Variants in S100Z observed in about 807,000 individuals in gnomAD.
The protein encoded by S100Z is protein S100-Z.
In S100Z, 11 loss-of-function variants were observed where a neutral mutation model predicts 8.5. The observed-to-expected ratio is 1.30, with a 90% CI of 0.82 to 2.15. The LOEUF is 2.15. Ranked by LOEUF, S100Z falls within the 30% of genes most tolerant of loss-of-function variation. The pLI is 0.00. For missense variants in S100Z, 126 were observed against 117.9 expected (o/e 1.07, Z -0.32); for synonymous variants, 34 against 43.8 (o/e 0.78, Z 0.89).
chr5:76,943,095 G>T, the S100Z span, among the ~76,000 whole-genome samples: 2 of 152,038 alleles, frequency 1.3e-5, no homozygotes, highest in Non-Finnish European at 1.5e-5. Context: ...GTGCCACAGT[G>T]GGGGGGTTCT....
chr5:76,909,716 C>T (rs1222111731), intron 4 of S100Z, among the ~76,000 whole-genome samples: 1 of 152,140 alleles, frequency 6.6e-6, no homozygotes, highest in Non-Finnish European at 1.5e-5. Context: ...GGGAATTTGG[C>T]CCAACCTGGG....
chr5:76,911,304 G>T (rs1435578418), intron 4 of S100Z, among the ~76,000 whole-genome samples: 3 of 152,206 alleles, frequency 2.0e-5, no homozygotes, highest in Admixed American at 2.0e-4. Flanking sequence ...GGTCAGTGGA[G>T]ACTAGTGGAA....
At chr5:76,885,784 G>A (rs1743601910) in intron 4 of S100Z, among the ~76,000 whole-genome samples, 2 of 150,910 alleles carry the variant, frequency 1.3e-5, no homozygotes, top group Non-Finnish European at 3.0e-5. Flanking sequence ...AGACAGAAGA[G>A]GTGGGGGCTG....
At chr5:76,915,014 G>A (rs918063437) in intron 4 of S100Z, among the ~76,000 whole-genome samples, 4 of 152,162 alleles carry the variant, frequency 2.6e-5, no homozygotes, top group East Asian at 1.9e-4. Context: ...AATCAATTCC[G>A]GACACATAAG....
intron 2 of S100Z, among the ~76,000 whole-genome samples, chr5:76,872,747 G>A (rs1304951866): frequency 1.3e-5 from 2 of 152,186 alleles, no homozygotes; most frequent in Non-Finnish European, 2.9e-5. Flanking sequence ...GATTGCGTGA[G>A]CTCAGGAGTT....
At chr5:76,933,863 T>C in the S100Z span, among the ~76,000 whole-genome samples, 1 of 152,146 alleles carries the variant, frequency 6.6e-6, no homozygotes, top group African/African-American at 2.4e-5. Flanking sequence ...ACAAAAACTT[T>C]GTACCCATTA....
At chr5:76,944,404 G>A in the S100Z span, among the ~76,000 whole-genome samples, 1 of 152,202 alleles carries the variant, frequency 6.6e-6, no homozygotes, top group Non-Finnish European at 1.5e-5. Flanking sequence ...AGAGGCATTT[G>A]CATTTAGGGT....
At chr5:76,877,214 TC>T (rs1561231597) in intron 3 of S100Z, among the ~76,000 whole-genome samples, 3 of 152,180 alleles carry the variant, frequency 2.0e-5, no homozygotes, top group Non-Finnish European at 4.4e-5. Context: ...TGATGAAGTA[TC>T]CCTGAAATGT....
chr5:76,861,031 A>G (rs1430875846), intron 1 of S100Z, among the ~76,000 whole-genome samples: 1 of 152,266 alleles, frequency 6.6e-6, no homozygotes, highest in Non-Finnish European at 1.5e-5. Flanking sequence ...CCCTAAATTT[A>G]GCATAAAACA....
chr5:76,931,401 C>T, the S100Z span, among the ~76,000 whole-genome samples: 3 of 152,190 alleles, frequency 2.0e-5, no homozygotes, highest in Admixed American at 6.5e-5. Context: ...TCTCCAGCCA[C>T]CATGACTGGC....
the S100Z span, among the ~76,000 whole-genome samples, chr5:76,943,096 G>C: frequency 2.6e-5 from 4 of 152,250 alleles, no homozygotes; most frequent in African/African-American, 9.6e-5. Flanking sequence ...TGCCACAGTG[G>C]GGGGGTTCTG....
rs200996014 is a variant in S100Z at position 76,877,757 on chromosome 5, C to T, written c.225C>T (p.Phe75=). The T allele has an allele frequency of 1.7e-5, 27 of 1,611,322 alleles. No individual in the cohort carries two copies. In the East Asian group the frequency reaches 4.7e-4, roughly 28 times the overall value. Residue 75 remains phenylalanine, a synonymous_variant, in exon 4 of 5, where the codon TTC becomes TTT. Transcript: ENST00000317593. ...NKDNEVDFNE[F]VVMVAALTVA... ...ACAACGAAGTGGATTTTAATGAATTCGTGGTCATGGTGGCAGCTCTGACAG... is the reference window on the plus strand; with the variant it reads ...ACAACGAAGTGGATTTTAATGAATTTGTGGTCATGGTGGCAGCTCTGACAG...
intron 4 of S100Z, among the ~76,000 whole-genome samples, chr5:76,894,689 G>A (rs1380216671): frequency 1.3e-5 from 2 of 150,240 alleles, no homozygotes; most frequent in African/African-American, 2.5e-5. Context: ...TCCACCTCCC[G>A]GGTTCAAGTG....
the S100Z span, among the ~76,000 whole-genome samples, chr5:76,938,605 TA>T: frequency 1.3e-5 from 2 of 152,372 alleles, no homozygotes; most frequent in Non-Finnish European, 2.9e-5. Context: ...TTTAATTTAT[TA>T]GTTTTTTAAT....
the S100Z span, among the ~76,000 whole-genome samples, chr5:76,936,587 ACT>A: frequency 6.9e-6 from 1 of 145,744 alleles, no homozygotes; most frequent in South Asian, 2.2e-4. Flanking sequence ...ATCCAATTTT[ACT>A]CTCTCCCAAA....
At chr5:76,909,461 A>G (rs1205602694) in intron 4 of S100Z, among the ~76,000 whole-genome samples, 1 of 152,122 alleles carries the variant, frequency 6.6e-6, no homozygotes, top group African/African-American at 2.4e-5. Context: ...GGAGTGAAAT[A>G]CCTTATGTCC....
At chr5:76,865,331 G>A (rs920536178) in intron 1 of S100Z, among the ~76,000 whole-genome samples, 3 of 142,150 alleles carry the variant, frequency 2.1e-5, no homozygotes, top group Admixed American at 7.5e-5. Context: ...TGCAACCTCC[G>A]CCTCCCGGCT....
At chr5:76,919,732 G>A (rs1169651273) in intron 4 of S100Z, among the ~76,000 whole-genome samples, 1 of 150,622 alleles carries the variant, frequency 6.6e-6, no homozygotes, top group East Asian at 1.9e-4. Context: ...TCAGCCTCCC[G>A]AGTAGCTGGG....
chr5:76,873,213 C>A (rs1435099164), intron 2 of S100Z, among the ~76,000 whole-genome samples: 1 of 151,712 alleles, frequency 6.6e-6, no homozygotes, highest in Non-Finnish European at 1.5e-5. Context: ...AGGGTAATTA[C>A]TAGGGTAGGG....
Sources: allele counts gnomAD v4.1 joint callset (sites outside exome capture counted in the v4.1 genomes callset), GRCh38; gene constraint gnomAD v4.1.1; transcripts MANE v1.5; gene names NCBI Gene and HGNC (gene_info 2026-07-23, HGNC 2026-07-21).